STARD9: variants seen among roughly 807,000 people sequenced by gnomAD.
STARD9 encodes stAR-related lipid transfer protein 9.
In STARD9, 346 loss-of-function variants were observed where a neutral mutation model predicts 399.8. The observed-to-expected ratio is 0.87, with a 90% CI of 0.79 to 0.95. The LOEUF (loss-of-function observed/expected upper bound fraction) is 0.95, where lower values mean the gene tolerates loss of function less well. Among genes scored for constraint, STARD9 ranks in the 40% least tolerant of loss-of-function variants. STARD9 has a pLI of 0.00. For synonymous variants in STARD9, 2,203 were observed against 2,143.5 expected, an observed-to-expected ratio of 1.03 and a Z score of -0.77; for missense variants, 5,832 against 5,667.5, an observed-to-expected ratio of 1.03 and a Z score of -0.93.
Position 42,690,078 on chromosome 15 carries a change from C to T in STARD9, c.8500C>T (p.His2834Tyr). 6.5e-7 allele frequency: 1 copy of T among 1,537,588 alleles called. No individual in the cohort carries two copies. Reference sequence around the variant, plus strand: ...AAGTGCCTCAGGGCCTAAGCAAGACCATGTCCAATGCCCTGAGGCTTCTAC... The same window carrying T: ...AAGTGCCTCAGGGCCTAAGCAAGACTATGTCCAATGCCCTGAGGCTTCTAC... Reference protein sequence around the residue: ...STSASGPKQDHVQCPEASTGF... With the variant: ...STSASGPKQDYVQCPEASTGF... Residue 2834 changes from histidine (H) to tyrosine (Y), a missense_variant, in exon 23 of 33, where the codon CAT (histidine) becomes TAT (tyrosine). His to Tyr is a moderately conservative substitution (Grantham distance 83). Transcript: ENST00000290607.
At chr15:42,594,595 C>G (rs1485990891) in intron 3 of STARD9, among the ~76,000 whole-genome samples, 1 of 152,156 alleles carries the variant, frequency 6.6e-6, no homozygotes, top group Non-Finnish European at 1.5e-5. Context: ...CTTACTTTTT[C>G]AGATTGAAGG....
In STARD9 at chr15:42,682,950, C is replaced by T. The variant is rs534283715; in HGVS notation, c.2537+375C>T. Among the ~76,000 whole-genome samples, 3 of 152,198 alleles carry T rather than the reference C, an allele frequency of 2.0e-5. No homozygotes were observed. In the South Asian group the frequency reaches 6.2e-4, roughly 32 times the overall value. ...TAACCAGACTTCTTGACTCCTACAC[C>T]ACCTCCCTCCCTCTCCCTCCTCGAC... On this transcript the variant is annotated intron_variant, in intron 22 of 32. Transcript: ENST00000290607.
At chr15:42,637,814 C>T (rs1410448621) in intron 4 of STARD9, 93 bp from the exon 5 acceptor site, 2 of 1,316,954 alleles carry the variant, frequency 1.5e-6, no homozygotes, top group African/African-American at 1.5e-5. Flanking sequence ...TCCATGCACT[C>T]ATCCCCCATG....
Position 42,689,796 on chromosome 15 carries a change from G to A in STARD9, c.8218G>A (p.Val2740Ile). 3.9e-6 allele frequency: 6 copies of A among 1,537,362 alleles called. No homozygotes were observed. Among genetic ancestry groups the A allele is most frequent in the Non-Finnish European group, 5.2e-6 (6 of 1,146,946 alleles). ...EEVRRVVSKK[V>I]VAALPSQAPY... is the part of the protein sequence containing the mutation. Reference sequence around the variant, plus strand: ...GGTCAGGAGGGTAGTATCAAAGAAGGTAGTGGCTGCCTTACCTTCTCAGGC... The same window carrying A: ...GGTCAGGAGGGTAGTATCAAAGAAGATAGTGGCTGCCTTACCTTCTCAGGC... Residue 2740 changes from valine to isoleucine, a missense_variant, in exon 23 of 33, where the codon GTA (valine) becomes ATA (isoleucine). Physicochemically the swap from Val to Ile is conservative, Grantham distance 29 (BLOSUM62 3). Transcript: ENST00000290607.
chr15:42,593,746 C>A (rs567296669), intron 3 of STARD9, among the ~76,000 whole-genome samples: 1 of 136,980 alleles, frequency 7.3e-6, no homozygotes, highest in East Asian at 2.4e-4. Flanking sequence ...TCACTGCAAG[C>A]TCTGCCTCCC....
chr15:42,666,371 AC>A (rs2060103412), intron 15 of STARD9, among the ~76,000 whole-genome samples: 1 of 152,174 alleles, frequency 6.6e-6, no homozygotes. Context: ...CTGACCTTGA[AC>A]TAGCCCTTGA....
chr15:42,633,610 A>G (rs749425774), intron 3 of STARD9, among the ~76,000 whole-genome samples: 4 of 150,600 alleles, frequency 2.7e-5, no homozygotes, highest in Non-Finnish European at 5.9e-5. Flanking sequence ...CTAGTTGTCA[A>G]GTGACATCTA....
At chr15:42,630,776 T>A (rs1419304754) in intron 3 of STARD9, among the ~76,000 whole-genome samples, 1 of 152,168 alleles carries the variant, frequency 6.6e-6, no homozygotes, top group African/African-American at 2.4e-5. Flanking sequence ...TAATGCTTCC[T>A]TTTTCATTTC....
At chr15:42,601,645 GT>G (rs2058633905) in intron 3 of STARD9, among the ~76,000 whole-genome samples, 1 of 151,912 alleles carries the variant, frequency 6.6e-6, no homozygotes, top group Non-Finnish European at 1.5e-5. Flanking sequence ...GGATATATCT[GT>G]TTTTCTACAG....
chr15:42,693,753 G>A lies in STARD9; in HGVS notation c.12175G>A (p.Gly4059Arg). Residue 4059 changes from glycine (G) to arginine (R), a missense_variant, in exon 23 of 33, where the codon GGA becomes AGA. Transcript: ENST00000290607. ...PSQWQSRTENGGESSASPGEP... is the reference protein window; with the variant it reads ...PSQWQSRTENRGESSASPGEP... ...TCAGTGGCAGAGCAGGACAGAAAATGGAGGTGAGAGTTCAGCATCTCCAGG... is the reference window on the plus strand; with the variant it reads ...TCAGTGGCAGAGCAGGACAGAAAATAGAGGTGAGAGTTCAGCATCTCCAGG... 1 of 1,536,630 alleles carries A rather than the reference G, an allele frequency of 6.5e-7. No individual in the cohort carries two copies. The highest frequency in any genetic ancestry group is 8.7e-7 in the Non-Finnish European group (1 of 1,146,804).
At chr15:42,665,757 T>C in intron 14 of STARD9, 29 bp from the exon 15 acceptor site, 1 of 1,534,878 alleles carries the variant, frequency 6.5e-7, no homozygotes, top group Non-Finnish European at 8.7e-7. Context: ...ACCAGGAAAA[T>C]ATCAAAGCAC....
intron 26 of STARD9, among the ~76,000 whole-genome samples, chr15:42,712,734 CT>C (rs975836957): frequency 6.6e-6 from 1 of 152,112 alleles, no homozygotes; most frequent in African/African-American, 2.4e-5. Flanking sequence ...GTCTCGCTAT[CT>C]TGCCTGGGCT....
At chr15:42,631,560 AC>A (rs1213047506) in intron 3 of STARD9, among the ~76,000 whole-genome samples, 1 of 151,976 alleles carries the variant, frequency 6.6e-6, no homozygotes, top group Non-Finnish European at 1.5e-5. Context: ...AGTCTGGGTG[AC>A]AGAGCGAGAT....
At position 42,692,756 on chromosome 15, in the gene STARD9, C is replaced by G; in HGVS notation, c.11178C>G (p.Gly3726=). 1.3e-6 allele frequency: 2 copies of G among 1,537,190 alleles called. No individual in the cohort carries two copies. The highest frequency in any genetic ancestry group is 1.7e-6 in the Non-Finnish European group (2 of 1,146,910). Residue 3726 remains glycine (G), a synonymous_variant, in exon 23 of 33, where the codon GGC becomes GGG. Coordinates refer to ENST00000290607, the MANE Select transcript of STARD9 (RefSeq NM_020759.3). Reference sequence around the variant, plus strand: ...CCCCACAGGCCCTGATGATGGATGGCTCTACTCAGACCACTGTGGATGAGG... The same window carrying G: ...CCCCACAGGCCCTGATGATGGATGGGTCTACTCAGACCACTGTGGATGAGG... ...DKAPQALMMD[G]STQTTVDEGS... is the part of the protein sequence containing the mutation.
intron 9 of STARD9, among the ~76,000 whole-genome samples, chr15:42,657,794 A>G (rs1427640860): frequency 3.3e-5 from 5 of 152,248 alleles, no homozygotes; most frequent in Non-Finnish European, 7.3e-5. Context: ...GATTACTGGA[A>G]TAGAATAGAG....
At chr15:42,580,914 C>T (rs1371926435) in intron 1 of STARD9, among the ~76,000 whole-genome samples, 2 of 152,146 alleles carry the variant, frequency 1.3e-5, no homozygotes, top group African/African-American at 4.8e-5. Flanking sequence ...ACTTGTTTAA[C>T]TGGGAAGGGG....
chr15:42,680,207 G>GT (rs1250645339), intron 20 of STARD9, among the ~76,000 whole-genome samples: 3 of 152,198 alleles, frequency 2.0e-5, no homozygotes, highest in Non-Finnish European at 4.4e-5. Flanking sequence ...CCAGGGAAAG[G>GT]TCAGCAAGTA....
chr15:42,719,359 A>T, intron 32 of STARD9, 114 bp from the exon 33 acceptor site: 1 of 682,234 alleles, frequency 1.5e-6, no homozygotes, highest in Non-Finnish European at 2.5e-6. Context: ...ACCAAACCAC[A>T]ATCTGAGGTG....
intron 3 of STARD9, among the ~76,000 whole-genome samples, chr15:42,592,220 C>T (rs181382693): frequency 1.3e-5 from 2 of 152,190 alleles, no homozygotes; most frequent in East Asian, 3.9e-4. Flanking sequence ...GATGTGAGTT[C>T]TAGATTTGAA....
Sources: gnomAD v4.1 joint callset for allele counts (sites outside exome capture counted in the v4.1 genomes callset) on GRCh38, gnomAD v4.1.1 for gene constraint, MANE v1.5 for transcripts, NCBI Gene and HGNC (gene_info 2026-07-23, HGNC 2026-07-21) for gene names.